Variants in PTCH1 observed in about 807,000 individuals in gnomAD.
PTCH1 encodes patched 1.
A neutral mutation model predicts 144.6 loss-of-function variants in PTCH1; 14 were observed. The observed-to-expected ratio is 0.10, with a 90% CI of 0.06 to 0.15. The LOEUF is 0.15. Ranked by LOEUF, PTCH1 falls within the 10% of genes least tolerant of loss-of-function variation. The probability of loss-of-function intolerance (pLI) is 1.00; values close to 1 mark genes in which losing one functional copy is unlikely to be tolerated. For missense variants in PTCH1, 1,623 were observed against 1,948.3 expected (o/e 0.83, Z 3.14); for synonymous variants, 833 against 793.6 (o/e 1.05, Z -0.83).
intron 2 of PTCH1, among the ~76,000 whole-genome samples, chr9:95,501,329 A>G (rs1843136315): frequency 6.6e-6 from 1 of 152,034 alleles, no homozygotes; most frequent in African/African-American, 2.4e-5. Context: ...ACAGCCCCCA[A>G]CAACAGAGGA....
intron 20 of PTCH1, chr9:95,452,286 CTCT>C (rs1158351605): frequency 6.6e-6 from 1 of 152,026 alleles, no homozygotes; most frequent in Non-Finnish European, 1.5e-5. Context: ...AGTTGAAACC[CTCT>C]TCTTTTTACT....
chr9:95,513,943 G>A (rs1844257690), upstream of PTCH1: 1 of 152,126 alleles, frequency 6.6e-6, no homozygotes, highest in Non-Finnish European at 1.5e-5. Context: ...GTAAATGAGG[G>A]GTCTACAGCA....
intron 16 of PTCH1, among the ~76,000 whole-genome samples, chr9:95,461,260 G>A (rs1291007750): frequency 6.6e-6 from 1 of 152,142 alleles, no homozygotes; most frequent in Non-Finnish European, 1.5e-5. Context: ...ATTACTGCAG[G>A]AGTGAGCAGA....
At chr9:95,477,783 C>T (rs1437406422) in intron 9 of PTCH1, 81 bp from the exon 10 acceptor site, 1 of 1,560,520 alleles carries the variant, frequency 6.4e-7, no homozygotes, top group Non-Finnish European at 8.7e-7. Flanking sequence ...CTCCACCCAT[C>T]ACCCCAAATC....
intron 12 of PTCH1, among the ~76,000 whole-genome samples, chr9:95,471,778 G>GC (rs1274835594): frequency 6.6e-6 from 1 of 152,256 alleles, no homozygotes; most frequent in Admixed American, 6.5e-5. Context: ...AGTGGCTCAT[G>GC]CCTGTAATCC....
chr9:95,473,488 T>C (rs959159814), intron 12 of PTCH1, among the ~76,000 whole-genome samples: 13 of 151,822 alleles, frequency 8.6e-5, no homozygotes, highest in Non-Finnish European at 1.6e-4. Context: ...AATTTTCTGA[T>C]GGCCACTGCA....
intron 3 of PTCH1, chr9:95,482,675 C>G (rs550398030): frequency 4.7e-6 from 1 of 211,806 alleles, no homozygotes; most frequent in East Asian, 1.3e-4. Context: ...TGCTCTTAAC[C>G]ATTAATATTA....
Position 95,469,304 on chromosome 9 carries a change from G to A in PTCH1, c.1848-151C>T, listed in dbSNP as rs1037816267. 2.3e-5 allele frequency: 25 copies of A among 1,096,736 alleles called. No homozygotes were observed. In the Admixed American group the frequency reaches 3.4e-4, roughly 15 times the overall value. 67.9% of individuals were successfully genotyped at this position (1,096,736 alleles called of 1,614,324 possible). A position where few individuals can be genotyped will look rare whatever the true frequency, so the allele number is the denominator to read the frequency against. The stretch of plus-strand genomic sequence containing the variant: ...CACATTGCTGAATTCCAGAAACATC[G>A]CCTGGTTGATAACATCACCTGGTTC... On this transcript the variant is annotated intron_variant, in intron 13 of 23. Coordinates refer to ENST00000331920, the MANE Select transcript of PTCH1 (RefSeq NM_000264.5).
chr9:95,506,859 T>A (rs574729950), intron 1 of PTCH1: 2 of 1,172,632 alleles, frequency 1.7e-6, no homozygotes, highest in African/African-American at 3.2e-5. Flanking sequence ...CTGAGCGACT[T>A]GGGGCACTGG....
chr9:95,504,494 T>C (rs1843400422), intron 2 of PTCH1, among the ~76,000 whole-genome samples: 1 of 152,230 alleles, frequency 6.6e-6, no homozygotes, highest in Non-Finnish European at 1.5e-5. Context: ...CGTTTTGTCA[T>C]CCTCATCCGA....
intron 3 of PTCH1, chr9:95,483,290 T>G (rs1297520576): frequency 6.6e-6 from 1 of 151,452 alleles, no homozygotes; most frequent in Non-Finnish European, 1.5e-5. Flanking sequence ...AATCGGGAGT[T>G]TTATTGTCTC....
intron 1 of PTCH1, 133 bp downstream of exon 1, chr9:95,508,028 G>C: frequency 6.6e-7 from 1 of 1,522,224 alleles, no homozygotes; most frequent in Non-Finnish European, 8.8e-7. Flanking sequence ...GCTTTTCCTG[G>C]AGAGGTGTGA....
rs1463432967 is a variant in PTCH1 at position 95,476,526 on chromosome 9, C to CA, written c.1602+232dup. On this transcript the variant is annotated intron_variant, in intron 11 of 23. Coordinates refer to ENST00000331920, the MANE Select transcript of PTCH1 (RefSeq NM_000264.5). This position sits in a 1 kb window ranked among gnomAD's most constrained non-coding sequence, Gnocchi z 4.6. ...TTAGGGATAAAGTGTCACATTAAAACAAACACCCGTATTCCTAAAGGCACC... is the reference window on the plus strand; with the variant it reads ...TTAGGGATAAAGTGTCACATTAAAACAAAACACCCGTATTCCTAAAGGCACC... 2.6e-5 allele frequency among the ~76,000 whole-genome samples: 4 copies of CA among 152,120 alleles called. No homozygotes were observed. The highest frequency in any genetic ancestry group is 2.0e-4 in the Admixed American group (3 of 15,264).
intron 15 of PTCH1, among the ~76,000 whole-genome samples, chr9:95,464,878 A>G (rs898310528): frequency 1.3e-5 from 2 of 152,142 alleles, no homozygotes; most frequent in Non-Finnish European, 2.9e-5. Flanking sequence ...CACCACATCA[A>G]CCATTCAACA....
Position 95,447,230 on chromosome 9 carries a change from G to A in PTCH1, c.4026C>T (p.Arg1342=), listed in dbSNP as rs576944494. ...TCCGAGGGTTGTGAGAACGGGCCCC[G>A]CGAGGGCCCCAGCGGGCCCTATTGC... ...GPSNRARWGP[R]GARSHNPRNP... Residue 1342 remains arginine (R), a synonymous_variant, in exon 23 of 24, where the codon CGC becomes CGT. Coordinates refer to ENST00000331920, the MANE Select transcript of PTCH1 (RefSeq NM_000264.5). 63 of 1,611,466 alleles carry A rather than the reference G, an allele frequency of 3.9e-5. 1 individual carries two copies. The highest frequency in any genetic ancestry group is 1.7e-4 in the Admixed American group (10 of 60,016).
At chr9:95,450,666 T>C (rs1327344426) in intron 20 of PTCH1, 1 of 153,000 alleles carries the variant, frequency 6.5e-6, no homozygotes, top group Non-Finnish European at 1.5e-5. Flanking sequence ...CACTCCACAA[T>C]GGCGGGGCTG....
chr9:95,479,485 C>T (rs2118374810), intron 7 of PTCH1, among the ~76,000 whole-genome samples: 1 of 152,286 alleles, frequency 6.6e-6, no homozygotes, highest in African/African-American at 2.4e-5. Context: ...ACTTGCTGTG[C>T]AGAAATCCCA....
chr9:95,449,044 C>A lies in PTCH1; in HGVS notation c.3804+25G>T. 4 of 1,613,056 alleles carry A rather than the reference C, an allele frequency of 2.5e-6. No individual in the cohort carries two copies. The Middle Eastern group carries it at 5.0e-4, about 200-fold the overall frequency. The stretch of plus-strand genomic sequence containing the variant: ...CACTACCACGGTGGGAAGACCCCTC[C>A]CCCTGGTTCTGCAGAGTCACTTACA... On this transcript the variant is annotated intron_variant, in intron 22 of 23. Transcript: ENST00000331920. This position sits in a 1 kb window ranked among gnomAD's most constrained non-coding sequence, Gnocchi z 5.3.
intron 2 of PTCH1, among the ~76,000 whole-genome samples, chr9:95,504,490 G>A (rs1309929172): frequency 6.6e-6 from 1 of 152,212 alleles, no homozygotes; most frequent in Non-Finnish European, 1.5e-5. Flanking sequence ...ATCACGTTTT[G>A]TCATCCTCAT....
Sources: gnomAD v4.1 joint callset for allele counts (sites outside exome capture counted in the v4.1 genomes callset) on GRCh38, gnomAD v4.1.1 for gene constraint, Gnocchi (gnomAD v3.1) non-coding constraint, MANE v1.5 for transcripts, NCBI Gene and HGNC (gene_info 2026-07-23, HGNC 2026-07-21) for gene names.